Variants in PDE1C observed in about 807,000 individuals in gnomAD.
PDE1C encodes dual specificity calcium/calmodulin-dependent 3',5'-cyclic nucleotide phosphodiesterase 1C.
PDE1C carries 62 observed loss-of-function variants against 93.1 expected under a neutral mutation model. The ratio of observed to expected loss-of-function variants is 0.67; its 90% CI spans 0.54 to 0.82. The LOEUF (loss-of-function observed/expected upper bound fraction) is 0.82. Among genes scored for constraint, PDE1C ranks in the 40% least tolerant of loss-of-function variants. The pLI, the probability that PDE1C is intolerant of heterozygous loss-of-function variation, is 0.00. For synonymous variants in PDE1C, 325 were observed against 310.1 expected (o/e 1.05, Z -0.50); for missense variants, 742 against 884.6 (o/e 0.84, Z 2.04).
chr7:31,825,339 A>G (rs963615094), intron 12 of PDE1C, among the ~76,000 whole-genome samples: 2 of 152,164 alleles, frequency 1.3e-5, no homozygotes, highest in Non-Finnish European at 2.9e-5. Flanking sequence ...GTGGAGAGGA[A>G]GATGTGGCTA....
chr7:31,661,861 C>T, the PDE1C span, among the ~76,000 whole-genome samples: 12 of 152,236 alleles, frequency 7.9e-5, no homozygotes, highest in South Asian at 2.1e-4. Flanking sequence ...TCACATTCCC[C>T]GAGTCTCTCT....
At position 31,828,288 on chromosome 7, in the gene PDE1C, G is replaced by T. The variant is rs182187841; in HGVS notation, c.1285+4C>A. 6.2e-7 allele frequency: 1 copy of T among 1,610,192 alleles called. No individual in the cohort carries two copies. Among genetic ancestry groups the T allele is most frequent in the Admixed American group, 1.7e-5 (1 of 59,892 alleles). On this transcript the variant is annotated splice_donor_region_variant and intron_variant, in intron 12 of 17. Transcript: ENST00000396191. ...CTTCTATCCAAAGAGCTGCAAACAC[G>T]TACCTACTTGTGACTGAGCAACCAT...
intron 14 of PDE1C, 82 bp from the exon 15 acceptor site, chr7:31,816,236 C>A (rs982601857): frequency 3.2e-6 from 4 of 1,250,076 alleles, no homozygotes; most frequent in Non-Finnish European, 4.5e-6. Context: ...TTTTAGTACA[C>A]AAAGAGTATC....
chr7:32,171,907 T>C (rs1340222344), intron 2 of PDE1C, among the ~76,000 whole-genome samples: 3 of 146,746 alleles, frequency 2.0e-5, no homozygotes, highest in South Asian at 4.5e-4. Flanking sequence ...TAGATGGGAT[T>C]GTGGAACAGA....
chr7:31,936,900 G>A (rs1304840864), intron 2 of PDE1C, among the ~76,000 whole-genome samples: 1 of 152,172 alleles, frequency 6.6e-6, no homozygotes. Flanking sequence ...TTGAGTTACA[G>A]CTTGCTTTTA....
rs2128763507 is a variant in PDE1C at position 32,120,493 on chromosome 7, C to A, written c.308+49292G>T. On this transcript the variant is annotated intron_variant, in intron 3 of 18. Coordinates refer to the PDE1C transcript ENST00000396193. ...CATTCCTACTGGCATCAGGTTGGTACCCCACGAGGTCAGAGATCCCAGAAG... is the reference window on the plus strand; with the variant it reads ...CATTCCTACTGGCATCAGGTTGGTAACCCACGAGGTCAGAGATCCCAGAAG... Among the ~76,000 whole-genome samples, 2 of 152,248 alleles carry A rather than the reference C, an allele frequency of 1.3e-5. 1 individual carries two copies. Among genetic ancestry groups the A allele is most frequent in the Admixed American group, 1.3e-4 (2 of 15,296 alleles).
In PDE1C at chr7:31,922,721, C is replaced by G. The variant is rs549452551; in HGVS notation, c.129-41861G>C. On this transcript the variant is annotated intron_variant, in intron 2 of 17. Transcript: ENST00000396191. Reference sequence around the variant, plus strand: ...ACATTTTTACAATTGTATAAGCTGACAGCTATGCTTAGAGAAACAGTGGAA... The same window carrying G: ...ACATTTTTACAATTGTATAAGCTGAGAGCTATGCTTAGAGAAACAGTGGAA... Among the ~76,000 whole-genome samples the G allele has an allele frequency of 3.3e-4, 51 of 152,270 alleles. 1 individual carries two copies. In the South Asian group the frequency reaches 0.011, roughly 32 times the overall value.
intron 1 of PDE1C, among the ~76,000 whole-genome samples, chr7:32,350,188 C>T (rs376413617): frequency 3.3e-5 from 5 of 152,016 alleles, no homozygotes; most frequent in East Asian, 3.9e-4. Flanking sequence ...TATAATGAGC[C>T]GCCATTTAGC....
intron 2 of PDE1C, among the ~76,000 whole-genome samples, chr7:32,019,464 C>T (rs1036599177): frequency 3.3e-5 from 5 of 152,114 alleles, no homozygotes; most frequent in Non-Finnish European, 5.9e-5. Flanking sequence ...ACCATGCTAG[C>T]GAGCTCAGAC....
intron 1 of PDE1C, among the ~76,000 whole-genome samples, chr7:32,280,051 C>A (rs1249014305): frequency 1.3e-5 from 2 of 151,896 alleles, no homozygotes; most frequent in Admixed American, 1.3e-4. Context: ...GCACACACAC[C>A]CAATAGAATA....
intron 3 of PDE1C, among the ~76,000 whole-genome samples, chr7:32,116,705 AGAGT>A (rs1253463707): frequency 2.0e-5 from 3 of 152,198 alleles, no homozygotes; most frequent in Non-Finnish European, 4.4e-5. Flanking sequence ...AGTGAGCTAG[AGAGT>A]GAGAAGCCAG....
upstream of PDE1C, among the ~76,000 whole-genome samples, chr7:32,075,026 A>C (rs1796274740): frequency 6.6e-6 from 1 of 152,198 alleles, no homozygotes; most frequent in South Asian, 2.1e-4. Flanking sequence ...GCTGCCCTGA[A>C]TATGCCAAGG....
At chr7:32,332,530 C>T (rs1398954476) in intron 1 of PDE1C, among the ~76,000 whole-genome samples, 1 of 151,952 alleles carries the variant, frequency 6.6e-6, no homozygotes, top group Non-Finnish European at 1.5e-5. Context: ...CATTCCACTC[C>T]TAGGTGTTTA....
chr7:31,917,190 AAC>A (rs1802039616), intron 2 of PDE1C, among the ~76,000 whole-genome samples: 1 of 152,208 alleles, frequency 6.6e-6, no homozygotes, highest in African/African-American at 2.4e-5. Flanking sequence ...CCACAAGATA[AAC>A]AGAGTTAATT....
At chr7:31,732,205 G>A in the PDE1C span, among the ~76,000 whole-genome samples, 1 of 152,146 alleles carries the variant, frequency 6.6e-6, no homozygotes, top group Non-Finnish European at 1.5e-5. Context: ...TTCTCTTCTT[G>A]TGGTGGTACC....
Position 31,851,061 on chromosome 7 carries a change from G to GACAC in PDE1C, c.751-324_751-321dup, listed in dbSNP as rs751991137. ...AACTTCCAAATAAAGTTCCTAGGTAGACACACACACACACACACACACACA... is the reference window on the plus strand; with the variant it reads ...AACTTCCAAATAAAGTTCCTAGGTAGACACACACACACACACACACACACACACA... On this transcript the variant is annotated intron_variant, in intron 7 of 17. Coordinates refer to ENST00000396191, the MANE Select transcript of PDE1C (RefSeq NM_001191057.4). Among the ~76,000 whole-genome samples, 555 of 83,940 alleles carry GACAC rather than the reference G, an allele frequency of 6.6e-3. 9 individuals carry two copies. Among genetic ancestry groups the GACAC allele is most frequent in the African/African-American group, 0.015 (462 of 30,810 alleles). The allele number at this position is 83,940 out of a possible 152,430, so 55.1% of individuals were successfully genotyped here. A position where few individuals can be genotyped will look rare whatever the true frequency, so the allele number is the denominator to read the frequency against.
In PDE1C at chr7:32,052,523, A is replaced by G. The variant is rs115301513; in HGVS notation, c.102-943T>C. Among the ~76,000 whole-genome samples, 1,053 of 152,320 alleles carry G rather than the reference A, an allele frequency of 6.9e-3. 13 individuals are homozygous for G. Among genetic ancestry groups the G allele is most frequent in the African/African-American group, 0.023 (964 of 41,572 alleles). ...GGGGATTAGAGGAGAGGAAGTGTTA[A>G]GGAAAGAAAATCCATCTCCTTGTAG... is the stretch of plus-strand genomic sequence containing the variant. On this transcript the variant is annotated intron_variant, in intron 1 of 17. Transcript: ENST00000396191.
intron 3 of PDE1C, among the ~76,000 whole-genome samples, chr7:32,143,266 G>A (rs549680049): frequency 3.3e-4 from 50 of 151,198 alleles, no homozygotes; most frequent in African/African-American, 1.1e-3. Flanking sequence ...TTGTAAGCAA[G>A]GCAGTAAAAG....
chr7:32,163,136 T>C (rs939333419), intron 3 of PDE1C, among the ~76,000 whole-genome samples: 4 of 152,156 alleles, frequency 2.6e-5, no homozygotes, highest in Non-Finnish European at 4.4e-5. Flanking sequence ...AGAGTAGGTG[T>C]CCCCAGAAGT....
Sources: gnomAD v4.1 joint callset for allele counts (sites outside exome capture counted in the v4.1 genomes callset) on GRCh38, gnomAD v4.1.1 for gene constraint, MANE v1.5 for transcripts, NCBI Gene and HGNC (gene_info 2026-07-23, HGNC 2026-07-21) for gene names.